The following FBXO16 variants were observed in gnomAD, a reference collection of about 807,000 sequenced individuals.
The protein encoded by FBXO16 is F-box protein 16.
FBXO16 carries 31 observed loss-of-function variants against 41.0 expected under a neutral mutation model. The ratio of observed to expected loss-of-function variants is 0.76; its 90% CI spans 0.57 to 1.02. The LOEUF (loss-of-function observed/expected upper bound fraction) is 1.02. Ranked by LOEUF, FBXO16 falls within the 50% of genes least tolerant of loss-of-function variation. The pLI, the probability that FBXO16 is intolerant of heterozygous loss-of-function variation, is 0.00. For synonymous variants in FBXO16, 133 were observed against 117.8 expected (o/e 1.13, Z -0.84); for missense variants, 361 against 346.2 (o/e 1.04, Z -0.34).
chr8:28,475,503 C>T (rs1187179831), intron 2 of FBXO16, among the ~76,000 whole-genome samples: 3 of 152,214 alleles, frequency 2.0e-5, no homozygotes, highest in African/African-American at 7.2e-5. Context: ...CTGTAGAACA[C>T]AGAAGATTCA....
chr8:28,483,529 C>G, intron 1 of FBXO16, 67 bp from the exon 2 acceptor site: 2 of 1,197,116 alleles, frequency 1.7e-6, no homozygotes, highest in South Asian at 2.5e-5. Flanking sequence ...ACAAAAATTA[C>G]TAATACCAGC....
At chr8:28,460,246 T>TATATATATATATATATATATATATATA (rs58128827) in intron 4 of FBXO16, among the ~76,000 whole-genome samples, 2 of 66,734 alleles carry the variant, frequency 3.0e-5, no homozygotes, top group African/African-American at 1.6e-4. Context: ...TATATATATA[T>TATATATATATATATATATATATATATA]TTTTTTTTTT....
At chr8:28,478,948 G>C (rs1803466291) in intron 2 of FBXO16, among the ~76,000 whole-genome samples, 1 of 152,108 alleles carries the variant, frequency 6.6e-6, no homozygotes. Context: ...ATCAGCGGGA[G>C]TGAGTTCTCA....
chr8:28,445,220 G>A (rs1802845328), intron 7 of FBXO16, among the ~76,000 whole-genome samples: 1 of 152,114 alleles, frequency 6.6e-6, no homozygotes, highest in African/African-American at 2.4e-5. Context: ...TCCCATTCAC[G>A]AAGAGCTATT....
chr8:28,441,905 T>C (rs965035944), intron 7 of FBXO16, among the ~76,000 whole-genome samples: 2 of 89,050 alleles, frequency 2.2e-5, no homozygotes, highest in African/African-American at 1.5e-4. Flanking sequence ...ACAGTGTATA[T>C]ATATATGTGT....
At chr8:28,452,044 T>C (rs1226132384) in intron 6 of FBXO16, among the ~76,000 whole-genome samples, 200 bp downstream of exon 6, 1 of 150,998 alleles carries the variant, frequency 6.6e-6, no homozygotes, top group Non-Finnish European at 1.5e-5. Flanking sequence ...ATCATTACTA[T>C]TACAAAATGC....
At chr8:28,461,104 C>G (rs1803127658) in intron 4 of FBXO16, among the ~76,000 whole-genome samples, 1 of 143,002 alleles carries the variant, frequency 7.0e-6, no homozygotes, top group South Asian at 2.2e-4. Flanking sequence ...TTTTTTTTAC[C>G]AATGACGCGT....
At chr8:28,433,700 C>T (rs182875493) in intron 7 of FBXO16, among the ~76,000 whole-genome samples, 1 of 152,314 alleles carries the variant, frequency 6.6e-6, no homozygotes, top group East Asian at 1.9e-4. Flanking sequence ...ATGCTTCCTT[C>T]TTCTTTCTCA....
At position 28,447,181 on chromosome 8, in the gene FBXO16, G is replaced by A. The variant is rs1256815120; in HGVS notation, c.833C>T (p.Ala278Val). 3.1e-6 allele frequency: 5 copies of A among 1,612,636 alleles called. No individual in the cohort carries two copies. The highest frequency in any genetic ancestry group is 3.3e-4 in the Middle Eastern group (2 of 6,056). Reference protein sequence around the residue: ...KLQDRTRLRKAQSMMSRRNPF... With the variant: ...KLQDRTRLRKVQSMMSRRNPF... ...ATAAACAATACTTACCATTGATTGTGCTTTTCTTAGCCTAGTTCTGTCCTG... is the reference window on the plus strand; with the variant it reads ...ATAAACAATACTTACCATTGATTGTACTTTTCTTAGCCTAGTTCTGTCCTG... The change falls in exon 7 of 9, where the codon GCA becomes GTA. Residue 278 changes from alanine to valine, a missense_variant. By Grantham distance (64) the Ala-to-Val change is moderately conservative (BLOSUM62 0). Transcript: ENST00000380254.
chr8:28,476,225 G>A (rs2130187591), intron 2 of FBXO16, among the ~76,000 whole-genome samples: 1 of 152,330 alleles, frequency 6.6e-6, no homozygotes, highest in East Asian at 1.9e-4. Context: ...GGTGGATGTT[G>A]GGAAGTGCTA....
In FBXO16 at chr8:28,429,409, C is replaced by T. The variant is rs751436386; in HGVS notation, c.844-6G>A. ...AAGGGATTTCTCCTCGACATCTGGCCGCGAGCAGGAAAGGGAAGAGAATGG... is the reference window on the plus strand; with the variant it reads ...AAGGGATTTCTCCTCGACATCTGGCTGCGAGCAGGAAAGGGAAGAGAATGG... On this transcript the variant is annotated splice_region_variant and splice_polypyrimidine_tract_variant and intron_variant, in intron 7 of 8. Transcript: ENST00000380254. 7 of 1,613,792 alleles carry T rather than the reference C, an allele frequency of 4.3e-6. No homozygotes were observed. The highest frequency in any genetic ancestry group is 4.5e-5 in the East Asian group (2 of 44,860).
At chr8:28,482,725 C>G (rs868536858) in intron 2 of FBXO16, among the ~76,000 whole-genome samples, 2 of 148,818 alleles carry the variant, frequency 1.3e-5, no homozygotes, top group Middle Eastern at 7.0e-3. Flanking sequence ...TACACACCAC[C>G]ACGCCCAGCT....
At chr8:28,438,764 G>A (rs1802721121) in intron 7 of FBXO16, among the ~76,000 whole-genome samples, 1 of 152,090 alleles carries the variant, frequency 6.6e-6, no homozygotes, top group African/African-American at 2.4e-5. Context: ...TGGTACGATG[G>A]GCATTGAACT....
intron 7 of FBXO16, among the ~76,000 whole-genome samples, chr8:28,432,862 G>T (rs1264997421): frequency 1.3e-5 from 2 of 152,180 alleles, no homozygotes; most frequent in African/African-American, 4.8e-5. Context: ...TTCGAGACCA[G>T]CCTAGCAAAC....
chr8:28,430,408 G>C (rs1411086103), intron 7 of FBXO16, among the ~76,000 whole-genome samples: 3 of 152,182 alleles, frequency 2.0e-5, no homozygotes, highest in East Asian at 1.9e-4. Flanking sequence ...GAATCGACAG[G>C]TGTCTGCCTA....
chr8:28,429,423 G>A lies in FBXO16; in HGVS notation c.844-20C>T. The A allele has an allele frequency of 3.1e-6, 5 of 1,613,700 alleles. No individual in the cohort carries two copies. The highest frequency in any genetic ancestry group is 2.5e-6 in the Non-Finnish European group (3 of 1,179,706). ...CGACATCTGGCCGCGAGCAGGAAAGGGAAGAGAATGGAGAGAGGAAAAGAA... is the reference window on the plus strand; with the variant it reads ...CGACATCTGGCCGCGAGCAGGAAAGAGAAGAGAATGGAGAGAGGAAAAGAA... On this transcript the variant is annotated intron_variant, in intron 7 of 8. Coordinates refer to ENST00000380254, the MANE Select transcript of FBXO16 (RefSeq NM_172366.4).
chr8:28,432,128 A>AGTGTGTGTGT (rs56917233), intron 7 of FBXO16, among the ~76,000 whole-genome samples: 17 of 142,814 alleles, frequency 1.2e-4, no homozygotes, highest in African/African-American at 4.4e-4. Context: ...CTATGTATGG[A>AGTGTGTGTGT]GTGTGTGTGT....
At chr8:28,483,889 G>C (rs1431160914) in intron 1 of FBXO16, among the ~76,000 whole-genome samples, 1 of 152,152 alleles carries the variant, frequency 6.6e-6, no homozygotes, top group African/African-American at 2.4e-5. Flanking sequence ...TTGGCAGAGG[G>C]AATGCGGTGG....
At chr8:28,451,390 T>TG (rs1554525792) in intron 6 of FBXO16, among the ~76,000 whole-genome samples, 26 of 149,906 alleles carry the variant, frequency 1.7e-4, no homozygotes, top group South Asian at 6.3e-4. Context: ...GTTTTTTTTT[T>TG]TTTTGTTTTT....
Sources: allele counts gnomAD v4.1 joint callset (sites outside exome capture counted in the v4.1 genomes callset), GRCh38; gene constraint gnomAD v4.1.1; transcripts MANE v1.5; gene names NCBI Gene and HGNC (gene_info 2026-07-23, HGNC 2026-07-21).